The following STRA6 variants were observed in gnomAD, a reference collection of about 807,000 sequenced individuals.
STRA6 encodes signaling receptor and transporter of retinol STRA6, also known as receptor for retinol uptake STRA6.
Under a neutral mutation model 83.6 loss-of-function variants are expected in STRA6, and 48 were observed. That is an observed-to-expected ratio of 0.57 (90% CI 0.46 to 0.73). STRA6 has a LOEUF of 0.73. STRA6 is among the 30% of genes least tolerant of loss of function. The probability of loss-of-function intolerance (pLI) is 0.00; values close to 1 mark genes in which losing one functional copy is unlikely to be tolerated. For synonymous variants in STRA6, 353 were observed against 362.3 expected (o/e 0.97, Z 0.29); for missense variants, 760 against 838.8 (o/e 0.91, Z 1.16).
chr15:74,192,937 G>A lies in STRA6; in HGVS notation c.720+863C>T, dbSNP rs190141923. Among the ~76,000 whole-genome samples the A allele has an allele frequency of 1.9e-3, 288 of 152,300 alleles. 1 individual carries two copies. The highest frequency in any genetic ancestry group is 0.017 in the Admixed American group (253 of 15,296). On this transcript the variant is annotated intron_variant, in intron 8 of 18. Transcript: ENST00000395105. ...GCATCTGTCTCCCCCACCACACTGG[G>A]AGCTCCTGGAGATCAGACACAAGTC...
intron 5 of STRA6, 68 bp from the exon 6 acceptor site, chr15:74,195,743 G>A: frequency 1.1e-6 from 1 of 940,674 alleles, no homozygotes; most frequent in Non-Finnish European, 1.7e-6. Flanking sequence ...ATAATGCTTA[G>A]CATGGTGCCT....
chr15:74,209,307 G>A (rs1190053393), upstream of STRA6: 1 of 1,452,390 alleles, frequency 6.9e-7, no homozygotes, highest in African/African-American at 1.4e-5. Flanking sequence ...GGCTTTGATG[G>A]CTGAGTTTCC....
At chr15:74,185,497 C>T (rs1315012871) in intron 12 of STRA6, among the ~76,000 whole-genome samples, 1 of 152,232 alleles carries the variant, frequency 6.6e-6, no homozygotes, top group Non-Finnish European at 1.5e-5. Flanking sequence ...CATAAGGCCC[C>T]ATCCACGTCT....
At position 74,184,009 on chromosome 15, in the gene STRA6, G is replaced by A. The variant is rs1225194708; in HGVS notation, c.1167-20C>T. 3 of 1,611,550 alleles carry A rather than the reference G, an allele frequency of 1.9e-6. No homozygotes were observed. The African/African-American group carries it at 4.0e-5, about 22-fold the overall frequency. On this transcript the variant is annotated intron_variant, in intron 13 of 18. Transcript: ENST00000395105. Reference sequence around the variant, plus strand: ...TTGGTCCTGGGGTGGGAGCCAGGGAGGCAGAGACCTCAGGGAGCAACACAC... The same window carrying A: ...TTGGTCCTGGGGTGGGAGCCAGGGAAGCAGAGACCTCAGGGAGCAACACAC...
At chr15:74,181,174 C>T in intron 17 of STRA6, 121 bp downstream of exon 17, 1 of 1,465,246 alleles carries the variant, frequency 6.8e-7, no homozygotes. Flanking sequence ...ACACAGGTGG[C>T]ACATGCAGCT....
In STRA6 at chr15:74,180,908, T is replaced by A. The variant is rs560382393; in HGVS notation, c.1714A>T (p.Ile572Phe). 8.1e-5 allele frequency: 130 copies of A among 1,613,994 alleles called. 2 individuals are homozygous for A. The South Asian group carries it at 1.3e-3, about 16-fold the overall frequency. The change falls in exon 18 of 19, where the codon ATT becomes TTT. Residue 572 changes from isoleucine (I) to phenylalanine (F), a missense_variant. Physicochemically the swap from Ile to Phe is conservative, Grantham distance 21. Coordinates refer to ENST00000395105, the MANE Select transcript of STRA6 (RefSeq NM_022369.4). The stretch of plus-strand genomic sequence containing the variant: ...GCTGGATGCGACTGGCTGACTTCAA[T>A]CTTCAAGAAGTTTCGGTACGTGTAG... ...GYYTYRNFLKIEVSQSHPAMT... is the reference protein window; with the variant it reads ...GYYTYRNFLKFEVSQSHPAMT...
rs930424834 is a variant in STRA6 at position 74,179,897 on chromosome 15, G to A, written c.*183C>T. ...CCTGCTGGCTCTCCCATAGCCAAGT[G>A]GGTGGAGCAGAGCCCTCCTGAGGCT... On this transcript the variant is annotated 3_prime_UTR_variant, in exon 19 of 19. Transcript: ENST00000395105. 12 of 757,394 alleles carry A rather than the reference G, an allele frequency of 1.6e-5. No homozygotes were observed. Among genetic ancestry groups the A allele is most frequent in the Non-Finnish European group, 2.5e-5 (12 of 475,682 alleles). 46.9% of individuals were successfully genotyped at this position (757,394 alleles called of 1,614,324 possible).
At chr15:74,191,583 G>T in intron 8 of STRA6, 92 bp from the exon 9 acceptor site, 1 of 1,145,486 alleles carries the variant, frequency 8.7e-7, no homozygotes, top group Non-Finnish European at 1.3e-6. Context: ...TCACCAAGCA[G>T]GTGCTCCATA....
chr15:74,193,986 C>T (rs1291695447), intron 7 of STRA6, 64 bp from the exon 8 acceptor site: 4 of 1,598,342 alleles, frequency 2.5e-6, no homozygotes, highest in African/African-American at 2.7e-5. Context: ...GAACCAGAAT[C>T]CGTTGCCCTT....
At chr15:74,191,790 C>T (rs2073554075) in intron 8 of STRA6, 3 of 499,986 alleles carry the variant, frequency 6.0e-6, no homozygotes, top group Non-Finnish European at 1.1e-5. Context: ...CACATCTCTT[C>T]ACCGTTTCTT....
At chr15:74,202,348 A>G (rs1288369402) in intron 1 of STRA6, 66 bp from the exon 2 acceptor site, 3 of 1,565,422 alleles carry the variant, frequency 1.9e-6, no homozygotes, top group African/African-American at 2.7e-5. Context: ...AAAGAGAAAA[A>G]AAAAGAAAGA....
chr15:74,181,367 G>C lies in STRA6; in HGVS notation c.1612C>G (p.Leu538Val), dbSNP rs748057183. ...VATWRVLLSALYNAIHLGQMD... is the reference protein window; with the variant it reads ...VATWRVLLSAVYNAIHLGQMD... ...TGGCCAAGGTGGATGGCGTTGTAGA[G>C]GGCAGAGAGGAGCACTCGCCAGGTG... Residue 538 changes from leucine (L) to valine (V), a missense_variant, in exon 17 of 19, where the codon CTC becomes GTC. Physicochemically the swap from Leu to Val is conservative, Grantham distance 32. Transcript: ENST00000395105. The C allele has an allele frequency of 6.2e-7, 1 of 1,613,786 alleles. No individual in the cohort carries two copies. Among genetic ancestry groups the C allele is most frequent in the South Asian group, 1.1e-5 (1 of 91,030 alleles).
chr15:74,180,928 G>T lies in STRA6; in HGVS notation c.1694C>A (p.Thr565Lys). ...TTCAATCTTCAAGAAGTTTCGGTAC[G>T]TGTAGTAGCCTGGGGTGGGGTGGCG... Reference protein sequence around the residue: ...RAATLDPGYYTYRNFLKIEVS... With the variant: ...RAATLDPGYYKYRNFLKIEVS... Residue 565 changes from threonine to lysine, a missense_variant, in exon 18 of 19, where the codon ACG (threonine) becomes AAG (lysine). Thr to Lys is a moderately conservative substitution (Grantham distance 78). Coordinates refer to ENST00000395105, the MANE Select transcript of STRA6 (RefSeq NM_022369.4). The T allele has an allele frequency of 6.2e-7, 1 of 1,613,910 alleles. No individual in the cohort carries two copies. Among genetic ancestry groups the T allele is most frequent in the Non-Finnish European group, 8.5e-7 (1 of 1,179,980 alleles).
At chr15:74,197,662 C>A (rs748546689) in intron 3 of STRA6, 90 bp downstream of exon 3, 2 of 1,525,144 alleles carry the variant, frequency 1.3e-6, no homozygotes, top group Non-Finnish European at 1.8e-6. Flanking sequence ...CTTCCAGGGC[C>A]CCCCTTCACC....
chr15:74,185,143 T>C, intron 12 of STRA6, 88 bp from the exon 13 acceptor site: 1 of 1,339,222 alleles, frequency 7.5e-7, no homozygotes, highest in Non-Finnish European at 1.1e-6. Flanking sequence ...TGGTGCCTTG[T>C]GGGGAGTTCC....
At chr15:74,200,239 A>G (rs1441288247) in intron 2 of STRA6, among the ~76,000 whole-genome samples, 2 of 152,280 alleles carry the variant, frequency 1.3e-5, no homozygotes, top group Non-Finnish European at 1.5e-5. Context: ...AATAAATAAA[A>G]GTTGGTTAGC....
chr15:74,196,306 G>A, intron 4 of STRA6, 159 bp from the exon 5 acceptor site: 3 of 1,200,308 alleles, frequency 2.5e-6, no homozygotes, highest in Non-Finnish European at 3.5e-6. Flanking sequence ...GATATTTGTG[G>A]AGTGCCTCTT....
chr15:74,201,158 G>A (rs78738702), intron 2 of STRA6, among the ~76,000 whole-genome samples: 82 of 152,244 alleles, frequency 5.4e-4, no homozygotes, highest in Non-Finnish European at 9.9e-4. Flanking sequence ...CTCCTTCCCC[G>A]AGGCCTGGGT....
chr15:74,190,401 ATTG>A (rs1284337606), intron 11 of STRA6, among the ~76,000 whole-genome samples: 1 of 150,738 alleles, frequency 6.6e-6, no homozygotes, highest in South Asian at 2.1e-4. Context: ...CAGGATTTTA[ATTG>A]TTGTTGTTGG....
Sources: allele counts gnomAD v4.1 joint callset (sites outside exome capture counted in the v4.1 genomes callset), GRCh38; gene constraint gnomAD v4.1.1; transcripts MANE v1.5; gene names NCBI Gene and HGNC (gene_info 2026-07-23, HGNC 2026-07-21).